PLCG1: variants seen among roughly 807,000 people sequenced by gnomAD.
The protein encoded by PLCG1 is 1-phosphatidylinositol 4,5-bisphosphate phosphodiesterase gamma-1.
A neutral mutation model predicts 177.8 loss-of-function variants in PLCG1; 71 were observed. The ratio of observed to expected loss-of-function variants is 0.40; its 90% confidence interval spans 0.33 to 0.49. The LOEUF (loss-of-function observed/expected upper bound fraction) is 0.49. PLCG1 is among the 20% of genes least tolerant of loss of function. The pLI, the probability that PLCG1 is intolerant of heterozygous loss-of-function variation, is 0.72. For synonymous variants in PLCG1, 658 were observed against 647.9 expected (o/e 1.02, Z -0.24); for missense variants, 1,281 against 1,709.0 (o/e 0.75, Z 4.42).
chr20:41,166,241 C>T lies in PLCG1; in HGVS notation c.1847C>T (p.Ala616Val), dbSNP rs773588801. The T allele has an allele frequency of 6.2e-7, 1 of 1,614,110 alleles. No homozygotes were observed. The highest frequency in any genetic ancestry group is 8.5e-7 in the Non-Finnish European group (1 of 1,180,032). Residue 616 changes from alanine to valine, a missense_variant, in exon 17 of 32, where the codon GCT (alanine) becomes GTT (valine). Ala to Val is a moderately conservative substitution (Grantham distance 64, BLOSUM62 0). Around this residue, in one of 4 missense-constraint regions of PLCG1, gnomAD observed 723 missense variants for 1,030.0 expected, o/e 0.70. Transcript: ENST00000685551. This position sits in a 1 kb window ranked among gnomAD's most constrained non-coding sequence, Gnocchi z 8.6. ...TGCCGTATCCACTCCCGGCAAGATGCTGGGACCCCCAAGTTCTTCTTGACA... is the reference window on the plus strand; with the variant it reads ...TGCCGTATCCACTCCCGGCAAGATGTTGGGACCCCCAAGTTCTTCTTGACA... ...QHCRIHSRQD[A>V]GTPKFFLTDN...
intron 24 of PLCG1, 178 bp downstream of exon 24, chr20:41,170,447 G>C (rs1191385910): frequency 1.6e-6 from 1 of 637,794 alleles, no homozygotes. Flanking sequence ...AAGATGCAAT[G>C]TGGTGTGTTT....
chr20:41,156,100 G>A lies in PLCG1; in HGVS notation c.218-3506G>A, dbSNP rs2035313148. ...TTCTCAGTCCTCAGAGCTGACATGT[G>A]ATATACAGTCCAGGCACAGGTGTGT... On this transcript the variant is annotated intron_variant, in intron 1 of 31. Transcript: ENST00000685551. This position sits in a 1 kb window ranked among gnomAD's most constrained non-coding sequence, Gnocchi z 5.0. 6.6e-6 allele frequency among the ~76,000 whole-genome samples: 1 copy of A among 152,184 alleles called. No homozygotes were observed. The highest frequency in any genetic ancestry group is 2.4e-5 in the African/African-American group (1 of 41,452).
Position 41,165,937 on chromosome 20 carries a change from G to A in PLCG1, c.1799+111G>A. 1 of 916,688 alleles carries A rather than the reference G, an allele frequency of 1.1e-6. No individual in the cohort carries two copies. Among genetic ancestry groups the A allele is most frequent in the Non-Finnish European group, 1.6e-6 (1 of 608,160 alleles). The allele number at this position is 916,688 out of a possible 1,614,324, so 56.8% of individuals were successfully genotyped here. ...AGCCTTTGATCCAGGACAATAATTA[G>A]GCTTTACATGGAACATAATTTCACC... On this transcript the variant is annotated intron_variant, in intron 16 of 31. Coordinates refer to ENST00000685551, the MANE Select transcript of PLCG1 (RefSeq NM_002660.3). The surrounding 1 kb of genome is among the most constrained non-coding windows in gnomAD (Gnocchi z 6.6).
rs1159104945 is a variant in PLCG1, at chr20:41,148,141, A to G, written c.217+10283A>G. ...TCTGACCTGACGACTTCCGGTCATT[A>G]TTTAGAACGTCTCCAGCCCCACAGA... On this transcript the variant is annotated intron_variant, in intron 1 of 31. Coordinates refer to ENST00000685551, the MANE Select transcript of PLCG1 (RefSeq NM_002660.3). This position sits in a 1 kb window ranked among gnomAD's most constrained non-coding sequence, Gnocchi z 4.3. Among the ~76,000 whole-genome samples, 1 of 152,188 alleles carries G rather than the reference A, an allele frequency of 6.6e-6. No homozygotes were observed. The highest frequency in any genetic ancestry group is 1.9e-4 in the East Asian group (1 of 5,194).
At chr20:41,149,910 T>C (rs2035113368) in intron 1 of PLCG1, among the ~76,000 whole-genome samples, 1 of 152,214 alleles carries the variant, frequency 6.6e-6, no homozygotes, top group African/African-American at 2.4e-5. Context: ...AAGTGATTTA[T>C]GGGTCAGGCA....
chr20:41,139,475 A>T (rs1452532972), intron 1 of PLCG1, among the ~76,000 whole-genome samples: 1 of 152,172 alleles, frequency 6.6e-6, no homozygotes, highest in Non-Finnish European at 1.5e-5. Context: ...CAGGCAATAA[A>T]TGTAGCACAG....
In PLCG1 at chr20:41,137,736, G is replaced by A; in HGVS notation, c.95G>A (p.Gly32Asp). Reference sequence around the variant, plus strand: ...CACCTCTGCCGCAGCCTCGAGGTGGGCACCGTCATGACTTTGTTCTACTCC... The same window carrying A: ...CACCTCTGCCGCAGCCTCGAGGTGGACACCGTCATGACTTTGTTCTACTCC... ...VLHLCRSLEV[G>D]TVMTLFYSKK... The change falls in exon 1 of 32, where the codon GGC (glycine) becomes GAC (aspartate). Residue 32 changes from glycine (G) to aspartate (D), a missense_variant. Coordinates refer to ENST00000685551, the MANE Select transcript of PLCG1 (RefSeq NM_002660.3). This position sits in a 1 kb window ranked among gnomAD's most constrained non-coding sequence, Gnocchi z 7.3. 7.6e-7 allele frequency: 1 copy of A among 1,319,246 alleles called. No homozygotes were observed. 81.7% of individuals were successfully genotyped at this position (1,319,246 alleles called of 1,614,324 possible).
rs1307497095 is a variant in PLCG1 at position 41,172,668 on chromosome 20, G to C, written c.3130+23G>C. ...CTGGTGAGGAAGTCCCCTGTGAGGA[G>C]GGTGAGGAGGGGCACTGTGGGGCAG... On this transcript the variant is annotated intron_variant, in intron 26 of 31. Coordinates refer to ENST00000685551, the MANE Select transcript of PLCG1 (RefSeq NM_002660.3). The surrounding 1 kb of genome is among the most constrained non-coding windows in gnomAD (Gnocchi z 7.0). The C allele has an allele frequency of 6.2e-7, 1 of 1,612,958 alleles. No individual in the cohort carries two copies. The highest frequency in any genetic ancestry group is 2.2e-5 in the East Asian group (1 of 44,864).
In PLCG1 at chr20:41,166,296, C is replaced by T. The variant is rs766244248; in HGVS notation, c.1902C>T (p.Asp634=). Residue 634 remains aspartate (D), a synonymous_variant, in exon 17 of 32, where the codon GAC becomes GAT. Transcript: ENST00000685551. This position sits in a 1 kb window ranked among gnomAD's most constrained non-coding sequence, Gnocchi z 8.6. The part of the protein sequence containing the change: ...TDNLVFDSLY[D]LITHYQQVPL... Reference sequence around the variant, plus strand: ...ACCTCGTCTTTGACTCCCTCTATGACCTCATCACGCACTACCAGCAGGTGC... The same window carrying T: ...ACCTCGTCTTTGACTCCCTCTATGATCTCATCACGCACTACCAGCAGGTGC... 2.5e-6 allele frequency: 4 copies of T among 1,614,186 alleles called. No homozygotes were observed. The South Asian group carries it at 3.3e-5, about 13-fold the overall frequency.
In PLCG1 at chr20:41,153,131, C is replaced by T. The variant is rs1370113473; in HGVS notation, c.218-6475C>T. 6.6e-6 allele frequency among the ~76,000 whole-genome samples: 1 copy of T among 152,210 alleles called. No homozygotes were observed. Among genetic ancestry groups the T allele is most frequent in the Non-Finnish European group, 1.5e-5 (1 of 68,032 alleles). On this transcript the variant is annotated intron_variant, in intron 1 of 31. Transcript: ENST00000685551. The surrounding 1 kb of genome is among the most constrained non-coding windows in gnomAD (Gnocchi z 5.1). ...GAAATCTTCGCTTACCTCTTTCAAGCTCTTTAGATTTTAAAGAGACCTTTC... is the reference window on the plus strand; with the variant it reads ...GAAATCTTCGCTTACCTCTTTCAAGTTCTTTAGATTTTAAAGAGACCTTTC...
intron 1 of PLCG1, among the ~76,000 whole-genome samples, chr20:41,138,739 C>G (rs1032636935): frequency 2.0e-5 from 3 of 152,180 alleles, no homozygotes; most frequent in Non-Finnish European, 2.9e-5. Context: ...AGTTTCCTGC[C>G]TTTTCGCCTT....
Position 41,173,502 on chromosome 20 carries a change from A to G in PLCG1, c.3362A>G (p.Tyr1121Cys). ...FVEIEVAGAE[Y>C]DSTKQKTEFV... Reference sequence around the variant, plus strand: ...GAGATTGAGGTGGCTGGAGCTGAGTATGACAGCACCAAGCAGAAGACAGAG... The same window carrying G: ...GAGATTGAGGTGGCTGGAGCTGAGTGTGACAGCACCAAGCAGAAGACAGAG... The change falls in exon 28 of 32, where the codon TAT (tyrosine) becomes TGT (cysteine). Residue 1121 changes from tyrosine (Y) to cysteine (C), a missense_variant. By Grantham distance (194) the Tyr-to-Cys change is radical. This residue lies in a region of PLCG1 where 723 missense variants were observed against 1,030.0 expected (regional missense o/e 0.70). Transcript: ENST00000685551. The surrounding 1 kb of genome is among the most constrained non-coding windows in gnomAD (Gnocchi z 6.2). 1 of 1,583,920 alleles carries G rather than the reference A, an allele frequency of 6.3e-7. No individual in the cohort carries two copies. The highest frequency in any genetic ancestry group is 8.6e-7 in the Non-Finnish European group (1 of 1,164,902).
rs34969149 is a variant in PLCG1 at position 41,146,676 on chromosome 20, A to G, written c.217+8818A>G. On this transcript the variant is annotated intron_variant, in intron 1 of 31. Coordinates refer to ENST00000685551, the MANE Select transcript of PLCG1 (RefSeq NM_002660.3). The surrounding 1 kb of genome is among the most constrained non-coding windows in gnomAD (Gnocchi z 6.3). Reference sequence around the variant, plus strand: ...CCTGTTTTCTTGGACACCTGGGGATATGGTTGAGTTAAAATGTTCTGAGGG... The same window carrying G: ...CCTGTTTTCTTGGACACCTGGGGATGTGGTTGAGTTAAAATGTTCTGAGGG... Among the ~76,000 whole-genome samples, 4 of 152,246 alleles carry G rather than the reference A, an allele frequency of 2.6e-5. No homozygotes were observed. Among genetic ancestry groups the G allele is most frequent in the African/African-American group, 9.6e-5 (4 of 41,548 alleles).
At position 41,148,737 on chromosome 20, in the gene PLCG1, T is replaced by C. The variant is rs36060460; in HGVS notation, c.218-10869T>C. Among the ~76,000 whole-genome samples the C allele has an allele frequency of 7.8e-3, 1,184 of 152,312 alleles. 11 individuals carry two copies. Among genetic ancestry groups the C allele is most frequent in the African/African-American group, 0.027 (1,121 of 41,558 alleles). On this transcript the variant is annotated intron_variant, in intron 1 of 31. Coordinates refer to ENST00000685551, the MANE Select transcript of PLCG1 (RefSeq NM_002660.3). This position sits in a 1 kb window ranked among gnomAD's most constrained non-coding sequence, Gnocchi z 4.3. ...TAAAATACATGTATGGCTACTATAA[T>C]AAATACTGTGAAGCAGGAGTGCACC...
chr20:41,145,373 GGTAGA>G (rs1456268468), intron 1 of PLCG1, among the ~76,000 whole-genome samples: 5 of 152,140 alleles, frequency 3.3e-5, no homozygotes, highest in Non-Finnish European at 2.9e-5. Flanking sequence ...TTGCTGTTGT[GGTAGA>G]GTAGAGTGCT....
chr20:41,140,917 G>C (rs2034802975), intron 1 of PLCG1, among the ~76,000 whole-genome samples: 1 of 152,208 alleles, frequency 6.6e-6, no homozygotes, highest in Non-Finnish European at 1.5e-5. Context: ...GCTGGGGCCA[G>C]CTCACTAGTC....
chr20:41,165,409 T>C lies in PLCG1; in HGVS notation c.1510-41T>C. On this transcript the variant is annotated intron_variant, in intron 14 of 31. Transcript: ENST00000685551. The surrounding 1 kb of genome is among the most constrained non-coding windows in gnomAD (Gnocchi z 6.6). Reference sequence around the variant, plus strand: ...GCTGGGGGTGGTAGGCCAGTGGGTGTGAGGACCCTGGCTCACAAGTCCCTC... The same window carrying C: ...GCTGGGGGTGGTAGGCCAGTGGGTGCGAGGACCCTGGCTCACAAGTCCCTC... The C allele has an allele frequency of 6.2e-7, 1 of 1,613,844 alleles. No homozygotes were observed. The highest frequency in any genetic ancestry group is 2.2e-5 in the East Asian group (1 of 44,886).
At chr20:41,138,734 C>T (rs1292615783) in intron 1 of PLCG1, among the ~76,000 whole-genome samples, 1 of 152,164 alleles carries the variant, frequency 6.6e-6, no homozygotes, top group Non-Finnish European at 1.5e-5. Flanking sequence ...CTCTTAGTTT[C>T]CTGCCTTTTC....
rs759511375 is a variant in PLCG1 at position 41,165,034 on chromosome 20, A to C, written c.1319A>C (p.Lys440Thr). The stretch of plus-strand genomic sequence containing the variant: ...GTGCTGGGGGACACACTCCTCACCA[A>C]GCCCGTGGAGATCTCTGCCGACGGG... ...KKVLGDTLLT[K>T]PVEISADGLP... The change falls in exon 13 of 32, where the codon AAG becomes ACG. Residue 440 changes from lysine (K) to threonine (T), a missense_variant. This residue lies in a region of PLCG1 where 723 missense variants were observed against 1,030.0 expected (regional missense o/e 0.70). Transcript: ENST00000685551. This position sits in a 1 kb window ranked among gnomAD's most constrained non-coding sequence, Gnocchi z 6.6. 1 of 1,614,176 alleles carries C rather than the reference A, an allele frequency of 6.2e-7. No individual in the cohort carries two copies. The highest frequency in any genetic ancestry group is 8.5e-7 in the Non-Finnish European group (1 of 1,180,022).
Sources: gnomAD v4.1 joint callset for allele counts (sites outside exome capture counted in the v4.1 genomes callset) on GRCh38, gnomAD v4.1.1 for gene constraint, gnomAD v4.1.1 regional missense constraint, Gnocchi (gnomAD v3.1) non-coding constraint, MANE v1.5 for transcripts, NCBI Gene and HGNC (gene_info 2026-07-23, HGNC 2026-07-21) for gene names.